The following ANKIB1 variants were observed in gnomAD, a reference collection of about 807,000 sequenced individuals.
ANKIB1 encodes ankyrin repeat and IBR domain containing 1, also known as ankyrin repeat and IBR domain-containing protein 1.
A neutral mutation model predicts 122.1 loss-of-function variants in ANKIB1; 43 were observed. The ratio of observed to expected loss-of-function variants is 0.35; its 90% CI spans 0.28 to 0.45. ANKIB1 has a LOEUF of 0.45. Among genes scored for constraint, ANKIB1 ranks in the 20% least tolerant of loss-of-function variants. The pLI, the probability that ANKIB1 is intolerant of heterozygous loss-of-function variation, is 1.00. For synonymous variants in ANKIB1, 390 were observed against 442.0 expected (o/e 0.88, Z 1.48); for missense variants, 992 against 1,329.5 (o/e 0.75, Z 3.95).
At chr7:92,342,512 A>T (rs547519096) in intron 5 of ANKIB1, among the ~76,000 whole-genome samples, 1 of 152,280 alleles carries the variant, frequency 6.6e-6, no homozygotes, top group South Asian at 2.1e-4. Flanking sequence ...CTAAAACTTT[A>T]TTTATAACTC....
chr7:92,395,848 T>C (rs1804880732), intron 17 of ANKIB1: 1 of 154,144 alleles, frequency 6.5e-6, no homozygotes, highest in Admixed American at 6.5e-5. Context: ...CCTGGTCACG[T>C]TTTTAAAGCC....
At chr7:92,287,432 T>C (rs188959406) in intron 1 of ANKIB1, among the ~76,000 whole-genome samples, 30 of 152,372 alleles carry the variant, frequency 2.0e-4, no homozygotes, top group African/African-American at 7.2e-4. Context: ...TGATATTTTC[T>C]CATATTATGT....
intron 1 of ANKIB1, among the ~76,000 whole-genome samples, chr7:92,262,885 G>T (rs1801593648): frequency 6.6e-6 from 1 of 152,106 alleles, no homozygotes; most frequent in Non-Finnish European, 1.5e-5. Flanking sequence ...CAAACATTGT[G>T]TGTATTTTAC....
chr7:92,282,920 G>C (rs185609365), intron 1 of ANKIB1, among the ~76,000 whole-genome samples: 1 of 152,080 alleles, frequency 6.6e-6, no homozygotes, highest in Non-Finnish European at 1.5e-5. Flanking sequence ...TCCAAGTTTC[G>C]ACAGTTTTCT....
chr7:92,352,733 T>G, intron 9 of ANKIB1, 91 bp downstream of exon 9: 1 of 1,270,766 alleles, frequency 7.9e-7, no homozygotes, highest in Non-Finnish European at 1.1e-6. Flanking sequence ...CTTTAAATTG[T>G]AGTATACTTG....
At chr7:92,353,125 T>A (rs574113737) in intron 9 of ANKIB1, among the ~76,000 whole-genome samples, 1 of 152,322 alleles carries the variant, frequency 6.6e-6, no homozygotes, top group Admixed American at 6.5e-5. Context: ...CCAAGGTCCC[T>A]TTTACAAAAT....
At position 92,343,116 on chromosome 7, in the gene ANKIB1, A is replaced by C; in HGVS notation, c.880A>C (p.Ser294Arg). The C allele has an allele frequency of 6.2e-7, 1 of 1,613,894 alleles. No individual in the cohort carries two copies. Among genetic ancestry groups the C allele is most frequent in the East Asian group, 2.2e-5 (1 of 44,870 alleles). Residue 294 changes from serine to arginine, a missense_variant, in exon 6 of 20, where the codon AGT becomes CGT. Physicochemically the swap from Ser to Arg is moderately radical, Grantham distance 110 (BLOSUM62 -1). Around this residue, in one of 4 missense-constraint regions of ANKIB1, gnomAD observed 521 missense variants for 777.7 expected, o/e 0.67. Transcript: ENST00000265742. ...TGTTCAAATGCCAACTCCACCACCA[A>C]GTGGGTATAATGCCTGGGACACGCT... is the stretch of plus-strand genomic sequence containing the variant. ...SGVQMPTPPP[S>R]GYNAWDTLPS...
chr7:92,316,352 A>G (rs1330729382), intron 3 of ANKIB1, among the ~76,000 whole-genome samples: 1 of 152,184 alleles, frequency 6.6e-6, no homozygotes, highest in Non-Finnish European at 1.5e-5. Context: ...CCCTTAATGC[A>G]TCTTTTACTT....
intron 5 of ANKIB1, among the ~76,000 whole-genome samples, chr7:92,338,387 C>T (rs1366784015): frequency 6.6e-6 from 1 of 151,228 alleles, no homozygotes; most frequent in African/African-American, 2.4e-5. Context: ...CCACTGCACT[C>T]TAGGCTGGGT....
chr7:92,352,699 A>G lies in ANKIB1; in HGVS notation c.1397+57A>G, dbSNP rs947464037. On this transcript the variant is annotated intron_variant, in intron 9 of 19. Transcript: ENST00000265742. ...TCACCTTTCTTTCCAATAGTTATTA[A>G]AGACTTTGCACCTTGAGTCAGGCCT... 5.2e-6 allele frequency: 8 copies of G among 1,527,394 alleles called. No homozygotes were observed. In the African/African-American group the frequency reaches 8.4e-5, roughly 16 times the overall value. 94.6% of individuals were successfully genotyped at this position (1,527,394 alleles called of 1,614,324 possible).
intron 1 of ANKIB1, among the ~76,000 whole-genome samples, chr7:92,263,335 A>G (rs1801602843): frequency 6.6e-6 from 1 of 152,250 alleles, no homozygotes; most frequent in African/African-American, 2.4e-5. Flanking sequence ...GTGTTTACAC[A>G]GTACAGTTTT....
In ANKIB1 at chr7:92,274,947, T is replaced by C. The variant is rs144837233; in HGVS notation, c.-90-19942T>C. Among the ~76,000 whole-genome samples the C allele has an allele frequency of 2.9e-3, 443 of 152,266 alleles. 4 individuals are homozygous for C. Among genetic ancestry groups the C allele is most frequent in the African/African-American group, 0.01 (421 of 41,574 alleles). On this transcript the variant is annotated intron_variant, in intron 1 of 19. Transcript: ENST00000265742. ...GTCTCAAAAAAAATATTTTTCAGTC[T>C]CTGCAGTTTTTAGCCACATCCCATG... is the stretch of plus-strand genomic sequence containing the variant.
At chr7:92,265,327 G>T (rs1407282674) in intron 1 of ANKIB1, among the ~76,000 whole-genome samples, 2 of 152,082 alleles carry the variant, frequency 1.3e-5, no homozygotes. Context: ...TAAAGCCTAA[G>T]AATTGAGGAG....
chr7:92,392,033 AT>A (rs1804797747), intron 16 of ANKIB1, among the ~76,000 whole-genome samples: 1 of 152,112 alleles, frequency 6.6e-6, no homozygotes, highest in African/African-American at 2.4e-5. Flanking sequence ...GGTAATTTTT[AT>A]TTTTTGATCA....
At chr7:92,382,234 T>TA (rs1020583623) in intron 11 of ANKIB1, among the ~76,000 whole-genome samples, 46 of 152,154 alleles carry the variant, frequency 3.0e-4, no homozygotes, top group African/African-American at 9.6e-4. Context: ...CCCAGATTCA[T>TA]AAAAAAAGTC....
chr7:92,258,316 T>C (rs1259221886), intron 1 of ANKIB1, among the ~76,000 whole-genome samples: 1 of 152,266 alleles, frequency 6.6e-6, no homozygotes, highest in African/African-American at 2.4e-5. Context: ...TTTCTACTGA[T>C]AATCCTTGAG....
intron 1 of ANKIB1, among the ~76,000 whole-genome samples, chr7:92,270,288 C>G (rs1427035912): frequency 1.3e-5 from 2 of 152,086 alleles, no homozygotes; most frequent in Admixed American, 1.3e-4. Context: ...GTCTCTAACT[C>G]CTGGGCTCAA....
intron 4 of ANKIB1, among the ~76,000 whole-genome samples, chr7:92,324,303 A>G (rs1802976675): frequency 6.6e-6 from 1 of 152,202 alleles, no homozygotes; most frequent in Non-Finnish European, 1.5e-5. Context: ...GTGCGATCTC[A>G]GCTCACTGGA....
At chr7:92,248,208 A>G (rs760983447) in intron 1 of ANKIB1, among the ~76,000 whole-genome samples, 1 of 152,208 alleles carries the variant, frequency 6.6e-6, no homozygotes, top group Middle Eastern at 3.4e-3. Context: ...ATAGAACTAT[A>G]TTTTCCTATT....
Sources: gnomAD v4.1 joint callset for allele counts (sites outside exome capture counted in the v4.1 genomes callset) on GRCh38, gnomAD v4.1.1 for gene constraint, gnomAD v4.1.1 regional missense constraint, MANE v1.5 for transcripts, NCBI Gene and HGNC (gene_info 2026-07-23, HGNC 2026-07-21) for gene names.